The following NCEH1 variants were observed in gnomAD, a reference collection of about 807,000 sequenced individuals.
NCEH1 encodes the protein 2-acetyl MAGE hydrolase.
Under a neutral mutation model 25.4 loss-of-function variants are expected in NCEH1, and 9 were observed. The ratio of observed to expected loss-of-function variants is 0.35; its 90% CI spans 0.21 to 0.62. The LOEUF is 0.62. Among genes scored for constraint, NCEH1 ranks in the 20% least tolerant of loss-of-function variants. The pLI, the probability that NCEH1 is intolerant of heterozygous loss-of-function variation, is 0.72. For missense variants in NCEH1, 412 were observed against 501.1 expected, an observed-to-expected ratio of 0.82 and a Z score of 1.70; for synonymous variants, 200 against 199.8, an observed-to-expected ratio of 1.00 and a Z score of -0.01.
chr3:172,653,760 G>GT (rs780425751), intron 1 of NCEH1, among the ~76,000 whole-genome samples: 550 of 54,344 alleles, frequency 0.01, 9 homozygotes, highest in East Asian at 0.029. Flanking sequence ...TTGTTTTTTT[G>GT]TTTTTTTTTT....
In NCEH1 at chr3:172,646,276, G is replaced by A. The variant is rs562201471; in HGVS notation, c.368-584C>T. 2.0e-5 allele frequency among the ~76,000 whole-genome samples: 3 copies of A among 152,252 alleles called. No individual in the cohort carries two copies. The South Asian group carries it at 6.2e-4, about 32-fold the overall frequency. ...AGGCTGAGGAAGGGGGATTACTTGA[G>A]CCCAAGAGTTTGAGGTTACAATGAG... On this transcript the variant is annotated intron_variant, in intron 2 of 4. Transcript: ENST00000475381.
chr3:172,631,322 T>A lies in NCEH1; in HGVS notation c.*2153A>T, dbSNP rs1453796611. 1.3e-5 allele frequency: 2 copies of A among 152,112 alleles called. No homozygotes were observed. Among genetic ancestry groups the A allele is most frequent in the Non-Finnish European group, 2.9e-5 (2 of 68,018 alleles). 9.4% of individuals were successfully genotyped at this position (152,112 alleles called of 1,614,324 possible). A position where few individuals can be genotyped will look rare whatever the true frequency, so the allele number is the denominator to read the frequency against. ...CAAATATTGGTTCCTTCAAATGGTG[T>A]CAAAAAGAATAGTATTATATGAGGA... On this transcript the variant is annotated 3_prime_UTR_variant, in exon 5 of 5. Transcript: ENST00000475381.
chr3:172,662,429 C>CT (rs1012755441), intron 1 of NCEH1, among the ~76,000 whole-genome samples: 4 of 152,112 alleles, frequency 2.6e-5, no homozygotes, highest in Admixed American at 1.3e-4. Flanking sequence ...CTAAAATTCT[C>CT]TTTTTTTGTT....
intron 1 of NCEH1, among the ~76,000 whole-genome samples, chr3:172,702,120 C>A (rs1713729444): frequency 6.6e-6 from 1 of 152,208 alleles, no homozygotes; most frequent in Admixed American, 6.5e-5. Context: ...GTAACACAGG[C>A]TGGAATCGAA....
At chr3:172,643,609 G>A (rs1207316259) in intron 3 of NCEH1, among the ~76,000 whole-genome samples, 1 of 152,156 alleles carries the variant, frequency 6.6e-6, no homozygotes, top group African/African-American at 2.4e-5. Flanking sequence ...ATTCTTCTGT[G>A]TCTTATGATA....
At chr3:172,697,823 A>T (rs1713455539) in intron 1 of NCEH1, among the ~76,000 whole-genome samples, 1 of 152,206 alleles carries the variant, frequency 6.6e-6, no homozygotes, top group Admixed American at 6.5e-5. Flanking sequence ...AACTTTGTTG[A>T]GCCTCTATTT....
chr3:172,655,518 G>A (rs893165740), intron 1 of NCEH1, among the ~76,000 whole-genome samples: 13 of 152,206 alleles, frequency 8.5e-5, no homozygotes, highest in African/African-American at 3.1e-4. Context: ...TGGAGAAGGA[G>A]AGAGAGTTGG....
At chr3:172,635,610 A>C (rs1170482144) in intron 4 of NCEH1, among the ~76,000 whole-genome samples, 1 of 152,202 alleles carries the variant, frequency 6.6e-6, no homozygotes, top group African/African-American at 2.4e-5. Flanking sequence ...AAACATGAAA[A>C]AGGAGCAGGG....
intron 1 of NCEH1, among the ~76,000 whole-genome samples, chr3:172,683,472 C>G (rs113835027): frequency 6.8e-6 from 1 of 146,838 alleles, no homozygotes; most frequent in East Asian, 2.0e-4. Context: ...GAGTTCAAGA[C>G]AAGCCTGGGC....
At chr3:172,702,483 T>C (rs1713751477) in intron 1 of NCEH1, among the ~76,000 whole-genome samples, 1 of 152,186 alleles carries the variant, frequency 6.6e-6, no homozygotes, top group South Asian at 2.1e-4. Context: ...TGGCAGTTGG[T>C]TTATCATCCC....
chr3:172,687,727 A>G (rs1208605323), intron 1 of NCEH1, among the ~76,000 whole-genome samples: 6 of 152,222 alleles, frequency 3.9e-5, no homozygotes, highest in African/African-American at 1.4e-4. Flanking sequence ...CAATTTTTCA[A>G]GAGAAGTAGA....
At chr3:172,645,797 A>G in intron 2 of NCEH1, 105 bp from the exon 3 acceptor site, 1 of 591,258 alleles carries the variant, frequency 1.7e-6, no homozygotes, top group Non-Finnish European at 2.9e-6. Flanking sequence ...AGCTAATACT[A>G]AAAACAAATA....
chr3:172,675,465 T>C (rs1428907655), intron 1 of NCEH1, among the ~76,000 whole-genome samples: 1 of 151,532 alleles, frequency 6.6e-6, no homozygotes, highest in African/African-American at 2.4e-5. Context: ...GGATTTTGTA[T>C]GGTAAATACT....
chr3:172,650,071 T>C (rs1022669940), intron 1 of NCEH1, among the ~76,000 whole-genome samples: 1 of 152,250 alleles, frequency 6.6e-6, no homozygotes, highest in African/African-American at 2.4e-5. Context: ...CGGGTTTGAC[T>C]CAATTTGTTC....
In NCEH1 at chr3:172,631,928, A is replaced by G. The variant is rs151129950; in HGVS notation, c.*1547T>C. ...AAGGCAGGCAGAGATCCTCAACTCA[A>G]ATCACAATTGGAGTGTCTTGTTGTG... is the stretch of plus-strand genomic sequence containing the variant. On this transcript the variant is annotated 3_prime_UTR_variant, in exon 5 of 5. Coordinates refer to ENST00000475381, the MANE Select transcript of NCEH1 (RefSeq NM_020792.6). 8.5e-5 allele frequency: 13 copies of G among 152,736 alleles called. No individual in the cohort carries two copies. The highest frequency in any genetic ancestry group is 2.9e-4 in the African/African-American group (12 of 41,544). 9.5% of individuals were successfully genotyped at this position (152,736 alleles called of 1,614,324 possible). A position where few individuals can be genotyped will look rare whatever the true frequency, so the allele number is the denominator to read the frequency against.
intron 1 of NCEH1, among the ~76,000 whole-genome samples, chr3:172,680,098 C>A (rs144206139): frequency 2.6e-5 from 4 of 152,194 alleles, no homozygotes; most frequent in Non-Finnish European, 5.9e-5. Flanking sequence ...GTTAGAACAT[C>A]TGGGGCAGAC....
intron 1 of NCEH1, among the ~76,000 whole-genome samples, chr3:172,683,662 G>A (rs1712534496): frequency 6.6e-6 from 1 of 152,134 alleles, no homozygotes; most frequent in African/African-American, 2.4e-5. Flanking sequence ...TGAGTGACAG[G>A]GCGAGACCCT....
At position 172,653,743 on chromosome 3, in the gene NCEH1, T is replaced by TTG. The variant is rs59443210; in HGVS notation, c.139-5630_139-5629insCA. 3.6e-5 allele frequency among the ~76,000 whole-genome samples: 4 copies of TTG among 110,622 alleles called. No homozygotes were observed. In the East Asian group the frequency reaches 9.7e-4, roughly 27 times the overall value. The allele number at this position is 110,622 out of a possible 152,430, so 72.6% of individuals were successfully genotyped here. On this transcript the variant is annotated intron_variant, in intron 1 of 4. Transcript: ENST00000475381. ...GTTGTTGTTGTTGTTCTGTTTTTTT[T>TTG]GTTTTTTTGTTTTTTTGTTTTTTTT...
At chr3:172,655,579 C>T (rs568696642) in intron 1 of NCEH1, among the ~76,000 whole-genome samples, 136 of 152,280 alleles carry the variant, frequency 8.9e-4, no homozygotes, top group African/African-American at 2.6e-3. Context: ...ACGCTTTAGT[C>T]CTCTGCCCAC....
Sources: gnomAD v4.1 joint callset for allele counts (sites outside exome capture counted in the v4.1 genomes callset) on GRCh38, gnomAD v4.1.1 for gene constraint, MANE v1.5 for transcripts, NCBI Gene and HGNC (gene_info 2026-07-23, HGNC 2026-07-21) for gene names.